The following PAPPA2 variants were observed in gnomAD, a reference collection of about 807,000 sequenced individuals.
PAPPA2 encodes pappalysin 2.
PAPPA2 carries 86 observed loss-of-function variants against 176.4 expected under a neutral mutation model. The observed-to-expected ratio is 0.49, with a 90% CI of 0.41 to 0.58. PAPPA2 has a LOEUF of 0.58. PAPPA2 is among the 20% of genes least tolerant of loss of function. The probability of loss-of-function intolerance (pLI) is 0.00; values close to 1 mark genes in which losing one functional copy is unlikely to be tolerated. For missense variants in PAPPA2, 2,073 were observed against 2,256.9 expected, an observed-to-expected ratio of 0.92 and a Z score of 1.65; for synonymous variants, 809 against 852.2, an observed-to-expected ratio of 0.95 and a Z score of 0.88.
chr1:176,556,784 G>A lies in PAPPA2; in HGVS notation c.462G>A (p.Lys154=). ...CTTATCTCGGCAATCAAAGATCCAAGGAGTCTCTAGGTGAGGCCGGGATTC... is the reference window on the plus strand; with the variant it reads ...CTTATCTCGGCAATCAAAGATCCAAAGAGTCTCTAGGTGAGGCCGGGATTC... ...DDAYLGNQRS[K]ESLGEAGIQK... The change falls in exon 2 of 23, where the codon AAG becomes AAA. Residue 154 remains lysine (K), a synonymous_variant. Transcript: ENST00000367662. The A allele has an allele frequency of 1.2e-6, 2 of 1,614,130 alleles. No individual in the cohort carries two copies. Among genetic ancestry groups the A allele is most frequent in the Non-Finnish European group, 1.7e-6 (2 of 1,180,030 alleles).
At chr1:176,768,599 T>G (rs893074508) in intron 15 of PAPPA2, among the ~76,000 whole-genome samples, 5 of 152,194 alleles carry the variant, frequency 3.3e-5, no homozygotes, top group Non-Finnish European at 7.3e-5. Context: ...CTTTCTATTC[T>G]TCCTCCTTCA....
At chr1:176,573,024 G>A (rs745738920) in intron 2 of PAPPA2, among the ~76,000 whole-genome samples, 3 of 152,178 alleles carry the variant, frequency 2.0e-5, no homozygotes, top group Non-Finnish European at 1.5e-5. Context: ...GGAAATTGGT[G>A]TGGTGCTGCC....
intron 1 of PAPPA2, among the ~76,000 whole-genome samples, chr1:176,497,070 A>G: frequency 6.6e-6 from 1 of 152,134 alleles, no homozygotes; most frequent in East Asian, 1.9e-4. Context: ...TATATGTTCC[A>G]TGTGGTCTTG....
chr1:176,702,874 A>T (rs545268911), intron 9 of PAPPA2, 139 bp downstream of exon 9: 2 of 1,182,194 alleles, frequency 1.7e-6, no homozygotes, highest in African/African-American at 3.1e-5. Context: ...TTGGAAATGT[A>T]GGGAGCAAGG....
At chr1:176,523,266 A>G (rs1649302126) in intron 1 of PAPPA2, among the ~76,000 whole-genome samples, 1 of 152,146 alleles carries the variant, frequency 6.6e-6, no homozygotes, top group African/African-American at 2.4e-5. Flanking sequence ...CCCTACCTCC[A>G]CTTTCTCCTC....
chr1:176,777,115 C>A (rs1254035077), intron 17 of PAPPA2, among the ~76,000 whole-genome samples: 1 of 152,108 alleles, frequency 6.6e-6, no homozygotes, highest in Non-Finnish European at 1.5e-5. Context: ...TGAGTGATTT[C>A]TAGCTCCAAA....
At chr1:176,500,298 A>G (rs1271874962) in intron 1 of PAPPA2, among the ~76,000 whole-genome samples, 1 of 151,958 alleles carries the variant, frequency 6.6e-6, no homozygotes. Flanking sequence ...TATAGGTCAA[A>G]CTAAATTAAA....
intron 1 of PAPPA2, among the ~76,000 whole-genome samples, chr1:176,519,956 T>TGA (rs1649124326): frequency 2.0e-5 from 3 of 152,166 alleles, no homozygotes; most frequent in African/African-American, 4.8e-5. Flanking sequence ...AAGTTAGCAC[T>TGA]GAGAAGCTTG....
At chr1:176,690,617 C>A in intron 5 of PAPPA2, 187 bp downstream of exon 5, 1 of 1,399,130 alleles carries the variant, frequency 7.1e-7, no homozygotes, top group Non-Finnish European at 9.3e-7. Flanking sequence ...GAAATACTGA[C>A]ATATTAAGGT....
At chr1:176,772,790 C>A (rs531467085) in intron 17 of PAPPA2, among the ~76,000 whole-genome samples, 13 of 152,224 alleles carry the variant, frequency 8.5e-5, no homozygotes, top group African/African-American at 2.9e-4. Flanking sequence ...ACAGTGAGTA[C>A]CCAGGTAATC....
intron 12 of PAPPA2, among the ~76,000 whole-genome samples, chr1:176,720,741 G>A (rs1661578748): frequency 6.6e-6 from 1 of 152,088 alleles, no homozygotes; most frequent in African/African-American, 2.4e-5. Flanking sequence ...CCCTCGGCAA[G>A]CGGGAGACCT....
At position 176,843,160 on chromosome 1, in the gene PAPPA2, C is replaced by T. The variant is rs1667545203; in HGVS notation, c.*706C>T. 6.6e-6 allele frequency: 1 copy of T among 151,972 alleles called. No homozygotes were observed. Among genetic ancestry groups the T allele is most frequent in the Admixed American group, 6.6e-5 (1 of 15,246 alleles). 9.4% of individuals were successfully genotyped at this position (151,972 alleles called of 1,614,324 possible). A position where few individuals can be genotyped will look rare whatever the true frequency, so the allele number is the denominator to read the frequency against. ...CCATCTTTCTATGGATGCGGATTGG[C>T]AGGTTGAATGGGAAGTACAGAAGGA... On this transcript the variant is annotated 3_prime_UTR_variant, in exon 23 of 23. Transcript: ENST00000367662.
chr1:176,708,763 A>G (rs764282099), intron 10 of PAPPA2, among the ~76,000 whole-genome samples: 12 of 152,144 alleles, frequency 7.9e-5, no homozygotes, highest in Non-Finnish European at 1.6e-4. Flanking sequence ...TAATAACTAT[A>G]TATTGATGGA....
At chr1:176,798,756 A>G (rs550241697) in intron 20 of PAPPA2, among the ~76,000 whole-genome samples, 92 of 152,258 alleles carry the variant, frequency 6.0e-4, no homozygotes, top group African/African-American at 2.2e-3. Flanking sequence ...TACCTTATAT[A>G]TTTATTTTGA....
chr1:176,745,563 A>T (rs1052745789), intron 14 of PAPPA2, among the ~76,000 whole-genome samples: 2 of 152,208 alleles, frequency 1.3e-5, no homozygotes, highest in Non-Finnish European at 2.9e-5. Flanking sequence ...ATTAAAATAG[A>T]GAAGTTTCAT....
intron 1 of PAPPA2, among the ~76,000 whole-genome samples, chr1:176,509,667 T>G (rs1648470972): frequency 6.6e-6 from 1 of 151,834 alleles, no homozygotes; most frequent in South Asian, 2.1e-4. Context: ...TATATTTAAT[T>G]AGAGTTTCAG....
intron 3 of PAPPA2, among the ~76,000 whole-genome samples, chr1:176,626,927 T>TG (rs1314300777): frequency 6.6e-6 from 1 of 151,186 alleles, no homozygotes; most frequent in African/African-American, 2.4e-5. Context: ...TCCACTATGT[T>TG]GTCCAGGCTG....
chr1:176,493,278 C>T (rs1647395715), intron 1 of PAPPA2, among the ~76,000 whole-genome samples: 1 of 152,210 alleles, frequency 6.6e-6, no homozygotes, highest in Admixed American at 6.5e-5. Flanking sequence ...CAAGGGCAAT[C>T]ACTTTCAACC....
rs768978627 is a variant in PAPPA2 at position 176,555,453 on chromosome 1, A to G, written c.-870A>G. The G allele has an allele frequency of 1.3e-5, 2 of 152,288 alleles. No individual in the cohort carries two copies. Among genetic ancestry groups the G allele is most frequent in the African/African-American group, 2.4e-5 (1 of 41,446 alleles). The allele number at this position is 152,288 out of a possible 1,614,324, so 9.4% of individuals were successfully genotyped here. On this transcript the variant is annotated 5_prime_UTR_variant, in exon 2 of 23. Coordinates refer to ENST00000367662, the MANE Select transcript of PAPPA2 (RefSeq NM_020318.3). ...GGTGAAGTTAAGAGCTCCCAGACTCATAAGGTTATTAGAACAGCAAACTGG... is the reference window on the plus strand; with the variant it reads ...GGTGAAGTTAAGAGCTCCCAGACTCGTAAGGTTATTAGAACAGCAAACTGG...
Sources: allele counts gnomAD v4.1 joint callset (sites outside exome capture counted in the v4.1 genomes callset), GRCh38; gene constraint gnomAD v4.1.1; transcripts MANE v1.5; gene names NCBI Gene and HGNC (gene_info 2026-07-23, HGNC 2026-07-21).